Variants in SEMA6D observed in about 807,000 individuals in gnomAD.
The protein encoded by SEMA6D is semaphorin-6D.
A neutral mutation model predicts 106.6 loss-of-function variants in SEMA6D; 35 were observed. The ratio of observed to expected loss-of-function variants is 0.33; its 90% CI spans 0.25 to 0.44. The LOEUF (loss-of-function observed/expected upper bound fraction) is 0.44, where lower values mean the gene tolerates loss of function less well. Ranked by LOEUF, SEMA6D falls within the 20% of genes least tolerant of loss-of-function variation. The probability of loss-of-function intolerance (pLI) is 1.00; values close to 1 mark genes in which losing one functional copy is unlikely to be tolerated. For synonymous variants in SEMA6D, 499 were observed against 487.7 expected (o/e 1.02, Z -0.31); for missense variants, 1,185 against 1,345.9 (o/e 0.88, Z 1.87).
chr15:47,531,088 T>C (rs2044945368), intron 3 of SEMA6D, among the ~76,000 whole-genome samples: 1 of 152,204 alleles, frequency 6.6e-6, no homozygotes. Flanking sequence ...GTCTATCCAA[T>C]TTGCCTTTAA....
At chr15:47,226,132 G>A (rs929110973) in intron 1 of SEMA6D, among the ~76,000 whole-genome samples, 5 of 151,982 alleles carry the variant, frequency 3.3e-5, no homozygotes, top group South Asian at 2.1e-4. Context: ...AGAAACACAC[G>A]TATGAAAATA....
intron 3 of SEMA6D, among the ~76,000 whole-genome samples, chr15:47,579,593 C>A (rs2076220309): frequency 6.6e-6 from 1 of 152,134 alleles, no homozygotes. Context: ...CCATATGCAT[C>A]ATTTTGCTTG....
intron 3 of SEMA6D, among the ~76,000 whole-genome samples, chr15:47,546,700 CCA>C (rs754118055): frequency 5.7e-4 from 86 of 151,928 alleles, no homozygotes; most frequent in Non-Finnish European, 4.4e-4. Flanking sequence ...AAGGAGAAAC[CCA>C]CCATGGTGGG....
intron 4 of SEMA6D, among the ~76,000 whole-genome samples, chr15:47,662,684 C>T (rs2077947777): frequency 6.6e-6 from 1 of 152,124 alleles, no homozygotes; most frequent in Non-Finnish European, 1.5e-5. Flanking sequence ...GAATACACGA[C>T]TTCAGTTCAA....
intron 4 of SEMA6D, among the ~76,000 whole-genome samples, chr15:47,654,484 C>A (rs897786371): frequency 6.6e-6 from 1 of 152,004 alleles, no homozygotes; most frequent in African/African-American, 2.4e-5. Flanking sequence ...ATATATATAC[C>A]ATTCAGTAAG....
intron 3 of SEMA6D, among the ~76,000 whole-genome samples, chr15:47,581,098 C>A (rs1328240895): frequency 5.9e-5 from 9 of 152,180 alleles, no homozygotes; most frequent in Admixed American, 5.2e-4. Flanking sequence ...GCAACCCACC[C>A]CTGCCTCCAC....
At chr15:47,535,322 A>G (rs915329046) in intron 3 of SEMA6D, among the ~76,000 whole-genome samples, 1 of 152,150 alleles carries the variant, frequency 6.6e-6, no homozygotes, top group East Asian at 1.9e-4. Context: ...TCCCACAGAT[A>G]AGAACATAAA....
In SEMA6D at chr15:47,651,718, A is replaced by G. The variant is rs192324434; in HGVS notation, c.-55+50822A>G. Among the ~76,000 whole-genome samples the G allele has an allele frequency of 2.3e-3, 354 of 152,312 alleles. 2 individuals are homozygous for G. Among genetic ancestry groups the G allele is most frequent in the African/African-American group, 8.1e-3 (335 of 41,570 alleles). On this transcript the variant is annotated intron_variant, in intron 4 of 19. Transcript: ENST00000558014. ...TTCATGTCCCACTCTAGATTTGACA[A>G]CCTTTGTGATGTTCATCTCAGCAAT...
Position 47,765,866 on chromosome 15 carries a change from T to C in SEMA6D, c.1428-3T>C. 2 of 1,490,842 alleles carry C rather than the reference T, an allele frequency of 1.3e-6. No homozygotes were observed. The highest frequency in any genetic ancestry group is 1.4e-5 in the African/African-American group (1 of 71,260). 92.4% of individuals were successfully genotyped at this position (1,490,842 alleles called of 1,614,324 possible). A position where few individuals can be genotyped will look rare whatever the true frequency, so the allele number is the denominator to read the frequency against. On this transcript the variant is annotated splice_polypyrimidine_tract_variant and splice_region_variant and intron_variant, in intron 13 of 18. Coordinates refer to ENST00000536845, the MANE Select transcript of SEMA6D (RefSeq NM_001358351.3). ...TGGCTTCAAAATGTATCCCACAAAA[T>C]AGGTGCAGTGCTGAGAATGAGGAAG...
At chr15:47,501,856 G>T (rs571216975) in intron 3 of SEMA6D, among the ~76,000 whole-genome samples, 48 of 131,418 alleles carry the variant, frequency 3.7e-4, no homozygotes, top group East Asian at 9.3e-4. Flanking sequence ...GGAGATTTTT[G>T]GTTTTGTTTT....
At chr15:47,250,941 A>T (rs1480322893) in intron 1 of SEMA6D, among the ~76,000 whole-genome samples, 3 of 152,250 alleles carry the variant, frequency 2.0e-5, no homozygotes, top group African/African-American at 7.2e-5. Context: ...GTAGAAAGAT[A>T]CGATTTTAAA....
intron 3 of SEMA6D, among the ~76,000 whole-genome samples, chr15:47,570,015 C>T (rs11629755): frequency 0.29 from 40,828 of 141,794 alleles, 5,820 homozygotes; most frequent in East Asian, 0.48. Context: ...GACCCGAGAT[C>T]GCACCACTGC....
intron 2 of SEMA6D, among the ~76,000 whole-genome samples, chr15:47,416,597 T>C (rs1401688759): frequency 6.6e-6 from 1 of 152,136 alleles, no homozygotes; most frequent in Non-Finnish European, 1.5e-5. Flanking sequence ...CTATTATTTC[T>C]AGCATTTCCA....
At chr15:47,372,869 T>G (rs529672559) in intron 1 of SEMA6D, among the ~76,000 whole-genome samples, 4 of 152,274 alleles carry the variant, frequency 2.6e-5, no homozygotes, top group African/African-American at 9.6e-5. Flanking sequence ...CTGCCCAGGG[T>G]CATTTTCAGG....
intron 1 of SEMA6D, among the ~76,000 whole-genome samples, chr15:47,351,373 C>T (rs916874417): frequency 6.6e-6 from 1 of 152,100 alleles, no homozygotes; most frequent in Non-Finnish European, 1.5e-5. Flanking sequence ...TGCATCGTCT[C>T]ATTTTGTGAT....
chr15:47,308,082 GTCTGTACATT>G (rs1157019925), intron 1 of SEMA6D, among the ~76,000 whole-genome samples: 2 of 150,196 alleles, frequency 1.3e-5, no homozygotes, highest in African/African-American at 4.9e-5. Flanking sequence ...TTGACACTAA[GTCTGTACATT>G]TCAGGGTATA....
chr15:47,505,561 A>G (rs2044011657), intron 3 of SEMA6D, among the ~76,000 whole-genome samples: 1 of 152,186 alleles, frequency 6.6e-6, no homozygotes, highest in South Asian at 2.1e-4. Context: ...TATGATTGTC[A>G]TTGAGGTTAT....
intron 1 of SEMA6D, among the ~76,000 whole-genome samples, chr15:47,297,493 A>C (rs772806447): frequency 1.3e-5 from 2 of 152,158 alleles, no homozygotes; most frequent in Non-Finnish European, 2.9e-5. Context: ...CATAATTATC[A>C]AACGACATGA....
intron 3 of SEMA6D, among the ~76,000 whole-genome samples, chr15:47,514,571 A>G (rs921493158): frequency 6.6e-6 from 1 of 152,122 alleles, no homozygotes; most frequent in African/African-American, 2.4e-5. Context: ...TTCTCCTTCT[A>G]TGACACACAA....
Sources: gnomAD v4.1 joint callset for allele counts (sites outside exome capture counted in the v4.1 genomes callset) on GRCh38, gnomAD v4.1.1 for gene constraint, MANE v1.5 for transcripts, NCBI Gene and HGNC (gene_info 2026-07-23, HGNC 2026-07-21) for gene names.